Variants in ALG9 observed in about 807,000 individuals in gnomAD.
The protein encoded by ALG9 is ALG9 alpha-1,2-mannosyltransferase.
A neutral mutation model predicts 81.8 loss-of-function variants in ALG9; 55 were observed. The ratio of observed to expected loss-of-function variants is 0.67; its 90% CI spans 0.54 to 0.84. The LOEUF (loss-of-function observed/expected upper bound fraction) is 0.84, where lower values mean the gene tolerates loss of function less well. Among genes scored for constraint, ALG9 ranks in the 40% least tolerant of loss-of-function variants. The pLI, the probability that ALG9 is intolerant of heterozygous loss-of-function variation, is 0.00. For synonymous variants in ALG9, 278 were observed against 274.3 expected (o/e 1.01, Z -0.13); for missense variants, 629 against 745.0 (o/e 0.84, Z 1.81).
At position 111,870,382 on chromosome 11, in the gene ALG9, CAAAAAAAAAAA is replaced by C; in HGVS notation, c.132-23_132-13del. 6.2e-6 allele frequency: 6 copies of C among 969,582 alleles called. No homozygotes were observed. The highest frequency in any genetic ancestry group is 5.8e-5 in the East Asian group (1 of 17,372). The allele number at this position is 969,582 out of a possible 1,614,324, so 60.1% of individuals were successfully genotyped here. A position where few individuals can be genotyped will look rare whatever the true frequency, so the allele number is the denominator to read the frequency against. ...TGTTCCCAGATAACCTGTTCAAAAG[CAAAAAAAAAAA>C]AAAAAAAAAAAGCATGTCAGGAAGG... On this transcript the variant is annotated splice_polypyrimidine_tract_variant and intron_variant, in intron 1 of 14. Transcript: ENST00000616540.
rs185076307 is a variant in ALG9, at chr11:111,815,445, A to G, written c.1603-5672T>C. ...AAGACACCGAAGCAAAATCATATTAATCAAGAGGATAATCCATTAGAAAAA... is the reference window on the plus strand; with the variant it reads ...AAGACACCGAAGCAAAATCATATTAGTCAAGAGGATAATCCATTAGAAAAA... On this transcript the variant is annotated intron_variant, in intron 13 of 14. Coordinates refer to ENST00000616540, the MANE Select transcript of ALG9 (RefSeq NM_024740.2). Among the ~76,000 whole-genome samples, 228 of 152,308 alleles carry G rather than the reference A, an allele frequency of 1.5e-3. 2 individuals carry two copies. The highest frequency in any genetic ancestry group is 3.7e-4 in the Non-Finnish European group (25 of 68,026).
At chr11:111,821,613 T>C (rs1364662949) in intron 13 of ALG9, among the ~76,000 whole-genome samples, 3 of 152,042 alleles carry the variant, frequency 2.0e-5, no homozygotes, top group South Asian at 2.1e-4. Context: ...CTAAGAGTCA[T>C]AGTGACTTCC....
chr11:111,814,884 AAAGCTTTAC>A (rs1399231095), intron 13 of ALG9, among the ~76,000 whole-genome samples: 5 of 152,238 alleles, frequency 3.3e-5, no homozygotes, highest in Non-Finnish European at 7.3e-5. Context: ...CAAGTTTTTA[AAAGCTTTAC>A]AAGTGCCATG....
chr11:111,839,571 AG>A (rs1955882238), intron 10 of ALG9, among the ~76,000 whole-genome samples: 1 of 128,388 alleles, frequency 7.8e-6, no homozygotes, highest in Admixed American at 8.3e-5. Flanking sequence ...CCTGGGCGAC[AG>A]AGCAAGATTC....
chr11:111,817,395 G>A (rs1951655680), intron 13 of ALG9: 1 of 152,200 alleles, frequency 6.6e-6, no homozygotes, highest in Non-Finnish European at 1.5e-5. Context: ...GACTCACTCA[G>A]TCACCCGGGC....
intron 8 of ALG9, 130 bp from the exon 9 acceptor site, chr11:111,844,853 C>T (rs1956733038): frequency 2.1e-6 from 2 of 943,808 alleles, no homozygotes; most frequent in African/African-American, 1.6e-5. Context: ...GAGTGCACAG[C>T]CCACTCTTCC....
At chr11:111,776,199 A>G in the ALG9 span, among the ~76,000 whole-genome samples, 2 of 152,154 alleles carry the variant, frequency 1.3e-5, no homozygotes, top group African/African-American at 4.8e-5. Context: ...AATAAATAAA[A>G]ATAAAAATCT....
chr11:111,869,014 T>C (rs1479797466), intron 2 of ALG9, among the ~76,000 whole-genome samples: 1 of 151,826 alleles, frequency 6.6e-6, no homozygotes, highest in Non-Finnish European at 1.5e-5. Context: ...CCCAGCTACT[T>C]GGAAGGCTAA....
intron 13 of ALG9, among the ~76,000 whole-genome samples, chr11:111,830,752 A>G (rs1954211547): frequency 6.6e-6 from 1 of 152,240 alleles, no homozygotes; most frequent in Non-Finnish European, 1.5e-5. Context: ...GAAAGGAAGA[A>G]AAAGAGAAGA....
At chr11:111,815,417 A>AG (rs1951334865) in intron 13 of ALG9, among the ~76,000 whole-genome samples, 1 of 152,188 alleles carries the variant, frequency 6.6e-6, no homozygotes, top group Non-Finnish European at 1.5e-5. Context: ...ACTAAAAAAA[A>AG]GAAAGACACC....
At chr11:111,807,713 C>T (rs368498601) in intron 14 of ALG9, among the ~76,000 whole-genome samples, 7 of 152,256 alleles carry the variant, frequency 4.6e-5, no homozygotes, top group Admixed American at 2.6e-4. Context: ...TGGTGGCTTA[C>T]GCCTGTAATC....
At position 111,871,550 on chromosome 11, in the gene ALG9, T is replaced by G. The variant is rs1462574140; in HGVS notation, c.-68A>C. The G allele has an allele frequency of 6.5e-7, 1 of 1,533,436 alleles. No homozygotes were observed. The highest frequency in any genetic ancestry group is 1.4e-5 in the African/African-American group (1 of 72,940). The allele number at this position is 1,533,436 out of a possible 1,614,324, so 95.0% of individuals were successfully genotyped here. A position where few individuals can be genotyped will look rare whatever the true frequency, so the allele number is the denominator to read the frequency against. On this transcript the variant is annotated 5_prime_UTR_variant, in exon 1 of 15. Coordinates refer to ENST00000616540, the MANE Select transcript of ALG9 (RefSeq NM_024740.2). ...GTGAGCGCGCAGACATAGCTTTGGC[T>G]GGCAAACGGTGTCCGCCGAGGGACA...
intron 13 of ALG9, among the ~76,000 whole-genome samples, chr11:111,825,722 T>C: frequency 6.6e-6 from 1 of 152,152 alleles, no homozygotes. Flanking sequence ...AAGATTTATG[T>C]CCTTTTCTAA....
intron 4 of ALG9, among the ~76,000 whole-genome samples, chr11:111,863,456 A>T (rs1263386006): frequency 3.3e-5 from 5 of 152,224 alleles, no homozygotes; most frequent in Admixed American, 2.6e-4. Context: ...AGACCAATTT[A>T]CGGAATTTAC....
At chr11:111,820,870 G>GA (rs367674294) in intron 13 of ALG9, among the ~76,000 whole-genome samples, 1 of 150,758 alleles carries the variant, frequency 6.6e-6, no homozygotes, top group Non-Finnish European at 1.5e-5. Flanking sequence ...TAAGGCCAGG[G>GA]TTCAAGACCA....
At chr11:111,865,675 C>G (rs1483644445) in intron 3 of ALG9, among the ~76,000 whole-genome samples, 3 of 152,090 alleles carry the variant, frequency 2.0e-5, no homozygotes, top group Non-Finnish European at 4.4e-5. Context: ...CATAATATAT[C>G]AGGTAGTGAT....
intron 14 of ALG9, among the ~76,000 whole-genome samples, chr11:111,808,559 C>T (rs1464809539): frequency 6.6e-6 from 1 of 152,178 alleles, no homozygotes; most frequent in Admixed American, 6.5e-5. Flanking sequence ...TATTTCATTT[C>T]CTGTCTTGGT....
the ALG9 span, among the ~76,000 whole-genome samples, chr11:111,774,552 G>A: frequency 3.9e-5 from 6 of 152,310 alleles, no homozygotes; most frequent in African/African-American, 1.2e-4. Flanking sequence ...GGGTGCCTGG[G>A]GAACAGAGAT....
intron 13 of ALG9, among the ~76,000 whole-genome samples, chr11:111,835,917 A>AT (rs1164886747): frequency 1.3e-5 from 2 of 152,046 alleles, no homozygotes; most frequent in Non-Finnish European, 2.9e-5. Flanking sequence ...CACCTGGCTT[A>AT]TTTTTTAATT....
Sources: gnomAD v4.1 joint callset for allele counts (sites outside exome capture counted in the v4.1 genomes callset) on GRCh38, gnomAD v4.1.1 for gene constraint, MANE v1.5 for transcripts, NCBI Gene and HGNC (gene_info 2026-07-23, HGNC 2026-07-21) for gene names.